UNC5D: variants seen among roughly 807,000 people sequenced by gnomAD.
UNC5D encodes unc-5 netrin receptor D.
In UNC5D, 39 loss-of-function variants were observed where a neutral mutation model predicts 105.4. The ratio of observed to expected loss-of-function variants is 0.37; its 90% CI spans 0.29 to 0.48. UNC5D has a LOEUF of 0.48. UNC5D is among the 20% of genes least tolerant of loss of function. UNC5D has a pLI of 0.98. For missense variants in UNC5D, 991 were observed against 1,202.4 expected (o/e 0.82, Z 2.60); for synonymous variants, 452 against 450.4 (o/e 1.00, Z -0.04).
At chr8:35,575,842 A>G (rs900342498) in intron 3 of UNC5D, among the ~76,000 whole-genome samples, 3 of 152,144 alleles carry the variant, frequency 2.0e-5, no homozygotes, top group Non-Finnish European at 2.9e-5. Context: ...CTCTAAATAA[A>G]GTTGTGCATC....
chr8:35,731,396 C>A, intron 11 of UNC5D, among the ~76,000 whole-genome samples: 1 of 77,124 alleles, frequency 1.3e-5, no homozygotes, highest in East Asian at 4.1e-4. Flanking sequence ...GAGACTCTGT[C>A]TCCAAAAAAA....
intron 3 of UNC5D, among the ~76,000 whole-genome samples, chr8:35,581,470 A>G (rs1019732112): frequency 1.4e-4 from 22 of 152,158 alleles, no homozygotes; most frequent in Admixed American, 1.4e-3. Context: ...CTGCAGGGTG[A>G]TGGTGGAGGA....
chr8:35,471,693 A>T (rs1809738690), intron 1 of UNC5D, among the ~76,000 whole-genome samples: 1 of 152,186 alleles, frequency 6.6e-6, no homozygotes, highest in African/African-American at 2.4e-5. Context: ...ATATTCTAAG[A>T]TCTAGCAAAG....
rs1333562553 is a variant in UNC5D at position 35,529,457 on chromosome 8, T to C, written c.104-19835T>C. 5.4e-5 allele frequency among the ~76,000 whole-genome samples: 8 copies of C among 149,474 alleles called. No homozygotes were observed. The East Asian group carries it at 1.2e-3, about 22-fold the overall frequency. The stretch of plus-strand genomic sequence containing the variant: ...TGCTGTTTTGGTTACTGTAGACTTG[T>C]AGTATAGTTTGAAGTCAGGTAGTGT... On this transcript the variant is annotated intron_variant, in intron 1 of 16. Coordinates refer to ENST00000404895, the MANE Select transcript of UNC5D (RefSeq NM_080872.4).
At chr8:35,688,924 T>C (rs1826206101) in intron 7 of UNC5D, among the ~76,000 whole-genome samples, 1 of 152,238 alleles carries the variant, frequency 6.6e-6, no homozygotes. Context: ...AACTAAGCTT[T>C]TTGAATTTTA....
At chr8:35,390,377 A>C (rs1218986814) in intron 1 of UNC5D, among the ~76,000 whole-genome samples, 2 of 152,182 alleles carry the variant, frequency 1.3e-5, no homozygotes, top group Non-Finnish European at 2.9e-5. Context: ...GTTATCAATA[A>C]ATAATAGTTG....
intron 4 of UNC5D, among the ~76,000 whole-genome samples, chr8:35,601,288 T>C (rs1431190182): frequency 3.9e-5 from 6 of 152,208 alleles, no homozygotes; most frequent in Non-Finnish European, 7.4e-5. Flanking sequence ...TGTGGGCTCT[T>C]TTTTGGTTCC....
intron 1 of UNC5D, among the ~76,000 whole-genome samples, chr8:35,481,071 A>G (rs1810451397): frequency 6.6e-6 from 1 of 152,228 alleles, no homozygotes; most frequent in Non-Finnish European, 1.5e-5. Flanking sequence ...AAAATCTTTT[A>G]GTTGATTCTG....
chr8:35,520,307 G>A (rs543417980), intron 1 of UNC5D, among the ~76,000 whole-genome samples: 6 of 152,166 alleles, frequency 3.9e-5, no homozygotes, highest in African/African-American at 9.6e-5. Context: ...GAGGCCAGTC[G>A]CAAATGGTCA....
intron 16 of UNC5D, among the ~76,000 whole-genome samples, chr8:35,785,758 A>C (rs552043875): frequency 1.3e-5 from 2 of 152,292 alleles, no homozygotes; most frequent in African/African-American, 4.8e-5. Context: ...AGGCACAAAG[A>C]ACAGAGAAAG....
At chr8:35,452,078 T>A (rs1733373975) in intron 1 of UNC5D, among the ~76,000 whole-genome samples, 1 of 152,148 alleles carries the variant, frequency 6.6e-6, no homozygotes, top group South Asian at 2.1e-4. Context: ...ACCATACATA[T>A]CCACTTCAGA....
At chr8:35,739,914 C>G (rs892007978) in intron 11 of UNC5D, among the ~76,000 whole-genome samples, 1 of 152,226 alleles carries the variant, frequency 6.6e-6, no homozygotes, top group Non-Finnish European at 1.5e-5. Context: ...AATCAACCTT[C>G]TATTCCCCAC....
At chr8:35,287,630 C>T (rs1435628995) in intron 1 of UNC5D, among the ~76,000 whole-genome samples, 1 of 148,894 alleles carries the variant, frequency 6.7e-6, no homozygotes, top group Admixed American at 6.7e-5. Context: ...CCTGCCTCTA[C>T]CAAAAAAAAA....
At chr8:35,399,674 T>C (rs1385503179) in intron 1 of UNC5D, among the ~76,000 whole-genome samples, 1 of 152,214 alleles carries the variant, frequency 6.6e-6, no homozygotes, top group African/African-American at 2.4e-5. Context: ...AAGTTTGCTT[T>C]AATTACAGGA....
At chr8:35,273,649 A>G (rs1464140955) in intron 1 of UNC5D, among the ~76,000 whole-genome samples, 1 of 152,080 alleles carries the variant, frequency 6.6e-6, no homozygotes, top group Non-Finnish European at 1.5e-5. Context: ...AATAGCTGAA[A>G]CTCAGGAAAA....
chr8:35,552,289 G>T (rs1268053286), intron 2 of UNC5D, among the ~76,000 whole-genome samples: 2 of 152,146 alleles, frequency 1.3e-5, no homozygotes, highest in African/African-American at 4.8e-5. Flanking sequence ...TGGCATAGCT[G>T]TTTCAAGGAC....
At chr8:35,247,204 C>G (rs2128806520) in intron 1 of UNC5D, among the ~76,000 whole-genome samples, 1 of 150,964 alleles carries the variant, frequency 6.6e-6, no homozygotes, top group East Asian at 2.0e-4. Flanking sequence ...ATCATTTTAC[C>G]CTTCTGTTAA....
At chr8:35,374,637 A>G (rs1420379530) in intron 1 of UNC5D, among the ~76,000 whole-genome samples, 1 of 152,176 alleles carries the variant, frequency 6.6e-6, no homozygotes, top group Non-Finnish European at 1.5e-5. Flanking sequence ...ACTGTCTCAA[A>G]AGGACACACT....
In UNC5D at chr8:35,271,708, T is replaced by G. The variant is rs1440749313; in HGVS notation, c.103+35821T>G. The stretch of plus-strand genomic sequence containing the variant: ...GTATACATGTATACATGTATACATA[T>G]ATATTTATACATGTATACATGTATA... On this transcript the variant is annotated intron_variant, in intron 1 of 16. Coordinates refer to ENST00000404895, the MANE Select transcript of UNC5D (RefSeq NM_080872.4). Among the ~76,000 whole-genome samples, 4 of 74,080 alleles carry G rather than the reference T, an allele frequency of 5.4e-5. No individual in the cohort carries two copies. In the East Asian group the frequency reaches 1.5e-3, roughly 27 times the overall value. 48.6% of individuals were successfully genotyped at this position (74,080 alleles called of 152,430 possible).
Sources: gnomAD v4.1 joint callset for allele counts (sites outside exome capture counted in the v4.1 genomes callset) on GRCh38, gnomAD v4.1.1 for gene constraint, MANE v1.5 for transcripts, NCBI Gene and HGNC (gene_info 2026-07-23, HGNC 2026-07-21) for gene names.